AXDND1: variants seen among roughly 807,000 people sequenced by gnomAD.
The protein encoded by AXDND1 is axonemal dynein light chain domain containing 1, also known as axonemal dynein light chain domain-containing protein 1.
A neutral mutation model predicts 137.5 loss-of-function variants in AXDND1; 110 were observed. The ratio of observed to expected loss-of-function variants is 0.80; its 90% confidence interval spans 0.69 to 0.94. AXDND1 has a LOEUF of 0.94. AXDND1 is among the 40% of genes least tolerant of loss of function. The pLI, the probability that AXDND1 is intolerant of heterozygous loss-of-function variation, is 0.00. For missense variants in AXDND1, 1,191 were observed against 1,169.8 expected (o/e 1.02, Z -0.26); for synonymous variants, 414 against 399.7 (o/e 1.04, Z -0.43).
At chr1:179,423,016 A>T (rs987472553) in intron 12 of AXDND1, among the ~76,000 whole-genome samples, 1 of 152,014 alleles carries the variant, frequency 6.6e-6, no homozygotes, top group Non-Finnish European at 1.5e-5. Context: ...CGCCCACCTT[A>T]GTCTCCCAAA....
At position 179,479,993 on chromosome 1, in the gene AXDND1, AG is replaced by A. The variant is rs1348856378; in HGVS notation, c.1998-3134del. Among the ~76,000 whole-genome samples, 27 of 152,306 alleles carry A rather than the reference AG, an allele frequency of 1.8e-4. No homozygotes were observed. The South Asian group carries it at 2.3e-3, about 13-fold the overall frequency. On this transcript the variant is annotated intron_variant, in intron 17 of 25. Coordinates refer to ENST00000367618, the MANE Select transcript of AXDND1 (RefSeq NM_144696.6). ...GGATTCCATTGTCCATATCATTATCAGCATTTTGGTCAAAGCCATTCAACAA... is the reference window on the plus strand; with the variant it reads ...GGATTCCATTGTCCATATCATTATCACATTTTGGTCAAAGCCATTCAACAA...
At chr1:179,512,540 A>C (rs939460701) in intron 21 of AXDND1, among the ~76,000 whole-genome samples, 2 of 152,118 alleles carry the variant, frequency 1.3e-5, no homozygotes, top group Admixed American at 6.5e-5. Flanking sequence ...TGCTTTGGCT[A>C]TGCGGGCTCT....
At chr1:179,533,687 T>C in intron 23 of AXDND1, 108 bp from the exon 24 acceptor site, 2 of 737,806 alleles carry the variant, frequency 2.7e-6, no homozygotes, top group Non-Finnish European at 4.5e-6. Context: ...TAGATATGGG[T>C]AGTAGACAAA....
At chr1:179,421,575 G>A (rs1040847837) in intron 12 of AXDND1, among the ~76,000 whole-genome samples, 1 of 150,832 alleles carries the variant, frequency 6.6e-6, no homozygotes, top group African/African-American at 2.4e-5. Flanking sequence ...GTAGAGATGG[G>A]ATTTTACCAT....
intron 16 of AXDND1, among the ~76,000 whole-genome samples, chr1:179,460,817 T>C (rs943301801): frequency 1.4e-4 from 21 of 152,386 alleles, no homozygotes; most frequent in African/African-American, 4.1e-4. Context: ...ATGAGCATTT[T>C]TTCATGTGTC....
At chr1:179,474,626 A>G (rs577034434) in intron 17 of AXDND1, among the ~76,000 whole-genome samples, 69 of 152,280 alleles carry the variant, frequency 4.5e-4, no homozygotes, top group African/African-American at 1.5e-3. Flanking sequence ...AACTAGAGAG[A>G]GATGATTTAG....
At chr1:179,473,728 C>A (rs1664253518) in intron 17 of AXDND1, among the ~76,000 whole-genome samples, 1 of 152,078 alleles carries the variant, frequency 6.6e-6, no homozygotes, top group South Asian at 2.1e-4. Flanking sequence ...AGCAGTTACC[C>A]CCACGCTGTT....
intron 10 of AXDND1, among the ~76,000 whole-genome samples, chr1:179,394,569 G>A (rs1650725970): frequency 1.2e-5 from 1 of 81,796 alleles, no homozygotes. Context: ...TAGCCTGGGT[G>A]ACGGAGCGAG....
chr1:179,456,553 C>A, intron 16 of AXDND1: 1 of 779,538 alleles, frequency 1.3e-6, no homozygotes, highest in Non-Finnish European at 2.3e-6. Flanking sequence ...CCTCTGCTTC[C>A]TCCGGAGTAA....
At chr1:179,482,098 ATTTTTTTT>A (rs57145549) in intron 17 of AXDND1, among the ~76,000 whole-genome samples, 1,995 of 108,044 alleles carry the variant, frequency 0.018, 36 homozygotes, top group African/African-American at 0.057. Context: ...GAGCTTTTTA[ATTTTTTTT>A]TTTTTTTTTT....
At chr1:179,442,989 G>C (rs11578241) in intron 15 of AXDND1, among the ~76,000 whole-genome samples, 44,447 of 152,054 alleles carry the variant, frequency 0.29, 6,714 homozygotes, top group Non-Finnish European at 0.31. Flanking sequence ...GAGATAGCGA[G>C]AAAGGGGGGC....
At chr1:179,512,527 T>A (rs1418727726) in intron 21 of AXDND1, among the ~76,000 whole-genome samples, 4 of 152,172 alleles carry the variant, frequency 2.6e-5, no homozygotes, top group Admixed American at 1.3e-4. Context: ...TCATGCTTAG[T>A]CTTGCTTTGG....
At chr1:179,525,672 A>AT (rs1264944034) in intron 22 of AXDND1, among the ~76,000 whole-genome samples, 2 of 151,700 alleles carry the variant, frequency 1.3e-5, no homozygotes, top group Non-Finnish European at 2.9e-5. Context: ...AATTTTTAAA[A>AT]TTTTTTTTAT....
At chr1:179,381,740 T>A (rs1200591438) in intron 6 of AXDND1, among the ~76,000 whole-genome samples, 1 of 152,164 alleles carries the variant, frequency 6.6e-6, no homozygotes, top group African/African-American at 2.4e-5. Flanking sequence ...AATAATGGAT[T>A]TCTATTTTAT....
chr1:179,516,167 T>C (rs2125659380), intron 21 of AXDND1, among the ~76,000 whole-genome samples: 1 of 152,230 alleles, frequency 6.6e-6, no homozygotes, highest in Admixed American at 6.5e-5. Context: ...TTTTTCTTTG[T>C]CTTTGTTGGA....
At chr1:179,407,365 C>A (rs1290329270) in intron 11 of AXDND1, among the ~76,000 whole-genome samples, 4 of 151,820 alleles carry the variant, frequency 2.6e-5, no homozygotes, top group Non-Finnish European at 4.4e-5. Flanking sequence ...GTAGCTGAGA[C>A]TACAGGCGCG....
rs1012228915 is a variant in AXDND1, at chr1:179,422,964, A to G, written c.1231-6554A>G. On this transcript the variant is annotated intron_variant, in intron 12 of 25. Transcript: ENST00000367618. ...TTTTTAGTAGAGACAGGGTTTCACC[A>G]TGTTGGCCAGGCTGGTCTCGAACTC... Among the ~76,000 whole-genome samples, 5 of 152,172 alleles carry G rather than the reference A, an allele frequency of 3.3e-5. No individual in the cohort carries two copies. In the South Asian group the frequency reaches 1.0e-3, roughly 32 times the overall value.
intron 18 of AXDND1, among the ~76,000 whole-genome samples, chr1:179,488,923 C>A (rs1392312782): frequency 6.9e-6 from 1 of 144,892 alleles, no homozygotes; most frequent in Non-Finnish European, 1.5e-5. Flanking sequence ...TTAGTAGAGA[C>A]CAGGTTTCAC....
chr1:179,474,899 A>G (rs1254714762), intron 17 of AXDND1, among the ~76,000 whole-genome samples: 1 of 152,214 alleles, frequency 6.6e-6, no homozygotes, highest in African/African-American at 2.4e-5. Flanking sequence ...CTAGGAGGTA[A>G]AAATGGTTTC....
Sources: allele counts gnomAD v4.1 joint callset (sites outside exome capture counted in the v4.1 genomes callset), GRCh38; gene constraint gnomAD v4.1.1; transcripts MANE v1.5; gene names NCBI Gene and HGNC (gene_info 2026-07-23, HGNC 2026-07-21).